OXCT1: variants seen among roughly 807,000 people sequenced by gnomAD.
OXCT1 encodes the protein succinyl-CoA:3-ketoacid coenzyme A transferase 1, mitochondrial.
Under a neutral mutation model 69.6 loss-of-function variants are expected in OXCT1, and 27 were observed. The observed-to-expected ratio is 0.39, with a 90% CI of 0.29 to 0.54. The LOEUF (loss-of-function observed/expected upper bound fraction) is 0.54. OXCT1 is among the 20% of genes least tolerant of loss of function. The pLI, the probability that OXCT1 is intolerant of heterozygous loss-of-function variation, is 0.72. For synonymous variants in OXCT1, 202 were observed against 217.8 expected (o/e 0.93, Z 0.64); for missense variants, 437 against 650.2 (o/e 0.67, Z 3.57).
In OXCT1 at chr5:41,834,591, T is replaced by C. The variant is rs114307878; in HGVS notation, c.732+5860A>G. Among the ~76,000 whole-genome samples the C allele has an allele frequency of 4.1e-3, 624 of 151,552 alleles. 3 individuals are homozygous for C. The highest frequency in any genetic ancestry group is 0.015 in the African/African-American group (608 of 41,308). ...TAAGAAGAGACAAAGAAGCTTATCA[T>C]ATAATGATAAAGGGGTCAATTCAGC... On this transcript the variant is annotated intron_variant, in intron 7 of 16. Coordinates refer to ENST00000196371, the MANE Select transcript of OXCT1 (RefSeq NM_000436.4).
chr5:41,769,612 C>T (rs950303817), intron 13 of OXCT1, among the ~76,000 whole-genome samples: 11 of 151,290 alleles, frequency 7.3e-5, no homozygotes, highest in Non-Finnish European at 1.6e-4. Context: ...GCCTGTGGTC[C>T]CAGCTACTCG....
At chr5:41,748,353 G>A (rs1458601301) in intron 15 of OXCT1, among the ~76,000 whole-genome samples, 1 of 151,854 alleles carries the variant, frequency 6.6e-6, no homozygotes, top group African/African-American at 2.4e-5. Flanking sequence ...AGGAGGAGAG[G>A]ACCCACAGGA....
At chr5:41,740,090 G>T (rs920273879) in intron 15 of OXCT1, among the ~76,000 whole-genome samples, 1 of 152,196 alleles carries the variant, frequency 6.6e-6, no homozygotes, top group East Asian at 1.9e-4. Context: ...CCTCCCTTTT[G>T]TTAAGTCTAA....
At chr5:41,796,033 T>C (rs1746165387) in intron 11 of OXCT1, among the ~76,000 whole-genome samples, 1 of 152,162 alleles carries the variant, frequency 6.6e-6, no homozygotes, top group Non-Finnish European at 1.5e-5. Flanking sequence ...TAAGCTTCTA[T>C]TAAAACCACA....
chr5:41,840,771 A>G (rs1030487582), intron 6 of OXCT1, among the ~76,000 whole-genome samples: 1 of 152,166 alleles, frequency 6.6e-6, no homozygotes, highest in Non-Finnish European at 1.5e-5. Flanking sequence ...CACATTCAAC[A>G]TATAGCTACA....
intron 11 of OXCT1, among the ~76,000 whole-genome samples, chr5:41,797,784 G>C (rs1008311331): frequency 1.3e-5 from 2 of 152,188 alleles, no homozygotes; most frequent in Non-Finnish European, 2.9e-5. Flanking sequence ...GAAATGCATA[G>C]TTTCTAATTC....
intron 13 of OXCT1, among the ~76,000 whole-genome samples, chr5:41,766,163 A>T (rs114143386): frequency 0.013 from 2,012 of 152,232 alleles, 14 homozygotes; most frequent in Admixed American, 0.022. Context: ...TGGAGAGATG[A>T]TTGCTGGATG....
At chr5:41,859,743 A>G (rs1392778928) in intron 3 of OXCT1, among the ~76,000 whole-genome samples, 1 of 151,832 alleles carries the variant, frequency 6.6e-6, no homozygotes, top group Non-Finnish European at 1.5e-5. Context: ...GAACAAGGGC[A>G]CAGCAGAGGG....
intron 9 of OXCT1, 23 bp downstream of exon 9, chr5:41,805,544 G>T: frequency 6.6e-7 from 1 of 1,511,698 alleles, no homozygotes; most frequent in African/African-American, 1.4e-5. Context: ...GTCTTTGCCC[G>T]GGCTCAGAAG....
chr5:41,791,995 A>C (rs2112221852), intron 13 of OXCT1, among the ~76,000 whole-genome samples: 1 of 152,028 alleles, frequency 6.6e-6, no homozygotes, highest in Middle Eastern at 3.4e-3. Flanking sequence ...AGCAGAGACG[A>C]GGTTTCACCA....
chr5:41,809,279 T>G (rs1375133623), intron 7 of OXCT1, among the ~76,000 whole-genome samples: 3 of 151,964 alleles, frequency 2.0e-5, no homozygotes, highest in African/African-American at 7.2e-5. Context: ...TAATCAAAAC[T>G]GAAACCCACA....
chr5:41,834,075 A>C (rs1295530054), intron 7 of OXCT1, among the ~76,000 whole-genome samples: 1 of 152,118 alleles, frequency 6.6e-6, no homozygotes, highest in Non-Finnish European at 1.5e-5. Flanking sequence ...AATTAGTGTT[A>C]AGTTTTCATC....
chr5:41,794,845 A>C lies in OXCT1; in HGVS notation c.1100-96T>G, dbSNP rs913571537. Reference sequence around the variant, plus strand: ...CCACATCTTCTCCATTCCCAAAAGAACTTAAGCTCCCTTTACCAAAATGCA... The same window carrying C: ...CCACATCTTCTCCATTCCCAAAAGACCTTAAGCTCCCTTTACCAAAATGCA... On this transcript the variant is annotated intron_variant, in intron 11 of 16. Transcript: ENST00000196371. 2.2e-6 allele frequency: 3 copies of C among 1,360,352 alleles called. No individual in the cohort carries two copies. In the African/African-American group the frequency reaches 4.3e-5, roughly 20 times the overall value. 84.3% of individuals were successfully genotyped at this position (1,360,352 alleles called of 1,614,324 possible).
Position 41,835,155 on chromosome 5 carries a change from CAT to C in OXCT1, c.732+5294_732+5295del, listed in dbSNP as rs573826622. Among the ~76,000 whole-genome samples, 35 of 152,212 alleles carry C rather than the reference CAT, an allele frequency of 2.3e-4. No homozygotes were observed. The South Asian group carries it at 6.6e-3, about 29-fold the overall frequency. On this transcript the variant is annotated intron_variant, in intron 7 of 16. Transcript: ENST00000196371. The stretch of plus-strand genomic sequence containing the variant: ...AGATGAAAAAGGGGACATTAAAACT[CAT>C]AAGAAATTCAAAGAGTCGTTAGTGG...
At chr5:41,866,064 G>C (rs1749959366) in intron 1 of OXCT1, among the ~76,000 whole-genome samples, 1 of 136,256 alleles carries the variant, frequency 7.3e-6, no homozygotes, top group South Asian at 2.4e-4. Flanking sequence ...CTGAGGTTAT[G>C]TATGTATATA....
At chr5:41,792,977 C>T (rs990326985) in intron 13 of OXCT1, among the ~76,000 whole-genome samples, 11 of 152,098 alleles carry the variant, frequency 7.2e-5, no homozygotes, top group Non-Finnish European at 1.3e-4. Flanking sequence ...TAATACACCA[C>T]CAAGTTTGAA....
chr5:41,753,526 C>T (rs138309009), intron 14 of OXCT1, among the ~76,000 whole-genome samples: 2 of 152,212 alleles, frequency 1.3e-5, no homozygotes, highest in Non-Finnish European at 2.9e-5. Context: ...CAAACGGCAA[C>T]ACCCTTCCTA....
chr5:41,794,665 G>A lies in OXCT1; in HGVS notation c.1172+12C>T. The A allele has an allele frequency of 6.2e-7, 1 of 1,611,012 alleles. No individual in the cohort carries two copies. Among genetic ancestry groups the A allele is most frequent in the Non-Finnish European group, 8.5e-7 (1 of 1,177,804 alleles). ...TACTGTCTGAAACATGAGGGGCTCTGTTATTACATACCCTCTAATCATTGC... is the reference window on the plus strand; with the variant it reads ...TACTGTCTGAAACATGAGGGGCTCTATTATTACATACCCTCTAATCATTGC... On this transcript the variant is annotated intron_variant, in intron 12 of 16. Transcript: ENST00000196371.
intron 15 of OXCT1, among the ~76,000 whole-genome samples, chr5:41,744,218 C>T (rs1473348509): frequency 6.6e-6 from 1 of 152,064 alleles, no homozygotes; most frequent in Non-Finnish European, 1.5e-5. Context: ...GTATTTTATT[C>T]TCTTTGAAGC....
Sources: allele counts gnomAD v4.1 joint callset (sites outside exome capture counted in the v4.1 genomes callset), GRCh38; gene constraint gnomAD v4.1.1; transcripts MANE v1.5; gene names NCBI Gene and HGNC (gene_info 2026-07-23, HGNC 2026-07-21).